Variants in PRKG2 observed in about 807,000 individuals in gnomAD.
PRKG2 encodes the protein cGMP-dependent protein kinase 2.
A neutral mutation model predicts 97.2 loss-of-function variants in PRKG2; 33 were observed. That is an observed-to-expected ratio of 0.34 (90% confidence interval 0.26 to 0.45). The LOEUF (loss-of-function observed/expected upper bound fraction) is 0.45, where lower values mean the gene tolerates loss of function less well. Among genes scored for constraint, PRKG2 ranks in the 20% least tolerant of loss-of-function variants. The probability of loss-of-function intolerance (pLI) is 1.00; values close to 1 mark genes in which losing one functional copy is unlikely to be tolerated. For synonymous variants in PRKG2, 330 were observed against 321.8 expected (o/e 1.03, Z -0.27); for missense variants, 638 against 900.0 (o/e 0.71, Z 3.73).
intron 17 of PRKG2, among the ~76,000 whole-genome samples, chr4:81,097,491 G>A (rs1381787191): frequency 6.6e-6 from 1 of 152,136 alleles, no homozygotes; most frequent in Non-Finnish European, 1.5e-5. Flanking sequence ...TTGACTTCAA[G>A]TCACCAGCTG....
intron 2 of PRKG2, among the ~76,000 whole-genome samples, chr4:81,182,257 T>C (rs1326311920): frequency 6.8e-6 from 1 of 146,256 alleles, no homozygotes; most frequent in East Asian, 2.1e-4. Context: ...AACATTAACA[T>C]AATTATCAAC....
At chr4:81,152,512 T>C (rs949010046) in intron 7 of PRKG2, among the ~76,000 whole-genome samples, 1 of 152,204 alleles carries the variant, frequency 6.6e-6, no homozygotes, top group African/African-American at 2.4e-5. Flanking sequence ...CTCCTAAAAC[T>C]GAATGCAAAA....
At chr4:81,205,159 C>T (rs375172364) in intron 1 of PRKG2, 99 bp from the exon 2 acceptor site, 1 of 722,462 alleles carries the variant, frequency 1.4e-6, no homozygotes, top group Non-Finnish European at 2.2e-6. Context: ...AATAGGAACA[C>T]AGTAATCTTC....
chr4:81,198,423 GT>G (rs1460617574), intron 2 of PRKG2, among the ~76,000 whole-genome samples: 1 of 152,132 alleles, frequency 6.6e-6, no homozygotes, highest in Non-Finnish European at 1.5e-5. Flanking sequence ...CTTAATTCCA[GT>G]CAGGCTCCTA....
intron 6 of PRKG2, among the ~76,000 whole-genome samples, chr4:81,155,804 C>A (rs1749028390): frequency 6.6e-6 from 1 of 151,960 alleles, no homozygotes; most frequent in African/African-American, 2.4e-5. Flanking sequence ...AATTTTCAAC[C>A]CAGAATTTCA....
intron 6 of PRKG2, among the ~76,000 whole-genome samples, chr4:81,156,045 C>T (rs1426144459): frequency 1.3e-5 from 2 of 151,716 alleles, no homozygotes; most frequent in East Asian, 3.9e-4. Flanking sequence ...AACCAGCTAA[C>T]ATCATAATGA....
chr4:81,117,135 A>G (rs980767), intron 14 of PRKG2, among the ~76,000 whole-genome samples: 35,694 of 151,164 alleles, frequency 0.24, 5,603 homozygotes, highest in East Asian at 0.46. Context: ...CAAAACTACA[A>G]GCGTGAACAA....
chr4:81,204,850 A>T lies in PRKG2; in HGVS notation c.198T>A (p.Ala66=), dbSNP rs1753548594. The change falls in exon 2 of 19, where the codon GCT becomes GCA. Residue 66 remains alanine (A), a synonymous_variant. Transcript: ENST00000264399. The part of the protein sequence containing the change: ...EQLSKQTVAI[A]ELTEELQNKC... The stretch of plus-strand genomic sequence containing the variant: ...TGTTCTGGAGCTCCTCTGTGAGTTC[A>T]GCAATGGCCACAGTCTGCTTCGACA... 3 of 1,614,082 alleles carry T rather than the reference A, an allele frequency of 1.9e-6. No individual in the cohort carries two copies. In the African/African-American group the frequency reaches 4.0e-5, roughly 22 times the overall value.
At chr4:81,117,610 C>T (rs552127422) in intron 14 of PRKG2, among the ~76,000 whole-genome samples, 182 of 152,186 alleles carry the variant, frequency 1.2e-3, no homozygotes, top group Non-Finnish European at 1.9e-3. Flanking sequence ...ATTCTCTCAG[C>T]GTCTATTAAG....
intron 8 of PRKG2, among the ~76,000 whole-genome samples, chr4:81,149,817 C>A (rs910854770): frequency 1.3e-5 from 2 of 152,080 alleles, no homozygotes; most frequent in Admixed American, 6.6e-5. Flanking sequence ...TGGGACTCTT[C>A]TAGGCAACTT....
chr4:81,152,139 G>T, intron 7 of PRKG2, 85 bp from the exon 8 acceptor site: 2 of 1,002,286 alleles, frequency 2.0e-6, no homozygotes, highest in Non-Finnish European at 1.5e-6. Context: ...AAACCCTCTA[G>T]ACCTATATAA....
At chr4:81,183,487 A>G (rs1374327767) in intron 2 of PRKG2, among the ~76,000 whole-genome samples, 2 of 152,164 alleles carry the variant, frequency 1.3e-5, no homozygotes, top group African/African-American at 2.4e-5. Flanking sequence ...CATGGTCTTC[A>G]CAACCTGCAG....
At chr4:81,121,399 T>C (rs989509571) in intron 14 of PRKG2, among the ~76,000 whole-genome samples, 1 of 152,172 alleles carries the variant, frequency 6.6e-6, no homozygotes. Context: ...AAATGTTGAC[T>C]GGAATTCACC....
intron 12 of PRKG2, among the ~76,000 whole-genome samples, chr4:81,138,043 T>C (rs1030066700): frequency 2.6e-5 from 4 of 152,192 alleles, no homozygotes; most frequent in African/African-American, 9.6e-5. Flanking sequence ...TTGGGCTATG[T>C]TTTAGTTTCG....
At chr4:81,216,620 G>A (rs942316437), upstream of PRKG2, among the ~76,000 whole-genome samples, 1 of 152,006 alleles carries the variant, frequency 6.6e-6, no homozygotes, top group Admixed American at 6.6e-5. Flanking sequence ...GGCTTTTAGC[G>A]CACCTATTAC....
At chr4:81,202,588 T>C (rs1753383431) in intron 2 of PRKG2, among the ~76,000 whole-genome samples, 1 of 152,174 alleles carries the variant, frequency 6.6e-6, no homozygotes, top group Admixed American at 6.5e-5. Context: ...CAACACAGAC[T>C]TGTATCCACT....
rs1243162164 is a variant in PRKG2 at position 81,137,380 on chromosome 4, A to C, written c.1634+13T>G. ...CCTTAGGCCAGATGTGAGTATACAA[A>C]CTTTTTCATTACCTGTCCCTTAATA... On this transcript the variant is annotated intron_variant, in intron 13 of 18. Coordinates refer to ENST00000264399, the MANE Select transcript of PRKG2 (RefSeq NM_006259.3). 1 of 1,583,712 alleles carries C rather than the reference A, an allele frequency of 6.3e-7. No individual in the cohort carries two copies. The highest frequency in any genetic ancestry group is 1.1e-5 in the South Asian group (1 of 90,400).
chr4:81,114,346 A>T (rs1744283860), intron 14 of PRKG2, among the ~76,000 whole-genome samples: 1 of 152,156 alleles, frequency 6.6e-6, no homozygotes. Flanking sequence ...AATTGAATGA[A>T]GAGATAATCA....
At chr4:81,159,242 A>G (rs1749393950) in intron 6 of PRKG2, among the ~76,000 whole-genome samples, 1 of 152,096 alleles carries the variant, frequency 6.6e-6, no homozygotes, top group Admixed American at 6.5e-5. Flanking sequence ...AGAATCTACA[A>G]TGAACTCAAA....
Sources: gnomAD v4.1 joint callset for allele counts (sites outside exome capture counted in the v4.1 genomes callset) on GRCh38, gnomAD v4.1.1 for gene constraint, MANE v1.5 for transcripts, NCBI Gene and HGNC (gene_info 2026-07-23, HGNC 2026-07-21) for gene names.